VPS13B: variants seen among roughly 807,000 people sequenced by gnomAD.
VPS13B encodes intermembrane lipid transfer protein VPS13B.
VPS13B carries 285 observed loss-of-function variants against 426.4 expected under a neutral mutation model. The ratio of observed to expected loss-of-function variants is 0.67; its 90% CI spans 0.61 to 0.74. The LOEUF is 0.74. Ranked by LOEUF, VPS13B falls within the 30% of genes least tolerant of loss-of-function variation. VPS13B has a pLI of 0.00. For missense variants in VPS13B, 4,537 were observed against 4,782.6 expected, an observed-to-expected ratio of 0.95 and a Z score of 1.51; for synonymous variants, 1,676 against 1,676.4, an observed-to-expected ratio of 1.00 and a Z score of 0.01.
chr8:99,181,710 G>A (rs1046984709), intron 16 of VPS13B, among the ~76,000 whole-genome samples: 1 of 151,914 alleles, frequency 6.6e-6, no homozygotes, highest in Non-Finnish European at 1.5e-5. Context: ...TAAAATTGAT[G>A]GGTCACCTTT....
chr8:99,684,792 T>G (rs1470259458), intron 35 of VPS13B, among the ~76,000 whole-genome samples: 1 of 152,160 alleles, frequency 6.6e-6, no homozygotes, highest in African/African-American at 2.4e-5. Context: ...ATTTGGTTTT[T>G]GGGTTTTTTG....
chr8:99,295,196 A>T (rs1819961681), intron 19 of VPS13B, among the ~76,000 whole-genome samples: 1 of 152,220 alleles, frequency 6.6e-6, no homozygotes, highest in Non-Finnish European at 1.5e-5. Flanking sequence ...AAATTTCAAA[A>T]TAAAAAAGAA....
chr8:99,328,861 G>A (rs149758099), intron 19 of VPS13B, among the ~76,000 whole-genome samples: 4 of 152,146 alleles, frequency 2.6e-5, no homozygotes, highest in Admixed American at 1.3e-4. Flanking sequence ...CCAGCCCAAA[G>A]CAAGCAGCTA....
chr8:99,561,706 A>G (rs1824930970), intron 31 of VPS13B, among the ~76,000 whole-genome samples: 1 of 152,210 alleles, frequency 6.6e-6, no homozygotes, highest in Non-Finnish European at 1.5e-5. Flanking sequence ...TGATTGGTTA[A>G]GTGTATTAAA....
intron 33 of VPS13B, among the ~76,000 whole-genome samples, chr8:99,616,326 C>A (rs1232177100): frequency 6.6e-6 from 1 of 151,928 alleles, no homozygotes; most frequent in Non-Finnish European, 1.5e-5. Flanking sequence ...TAAAAAAAAT[C>A]TCACGAGATA....
In VPS13B at chr8:99,876,715, A is replaced by C. The variant is rs1472115625; in HGVS notation, c.*1049A>C. ...AGATCTTGGGTTACCAAGATGTCTT[A>C]AATGTTCAGTAAATATCTTTCTTAC... On this transcript the variant is annotated 3_prime_UTR_variant, in exon 62 of 62. Coordinates refer to ENST00000357162, the MANE Select transcript of VPS13B (RefSeq NM_152564.5). The C allele has an allele frequency of 6.6e-6, 1 of 152,222 alleles. No homozygotes were observed. Among genetic ancestry groups the C allele is most frequent in the Admixed American group, 6.5e-5 (1 of 15,284 alleles). 9.4% of individuals were successfully genotyped at this position (152,222 alleles called of 1,614,324 possible).
intron 23 of VPS13B, among the ~76,000 whole-genome samples, chr8:99,457,929 T>A (rs1818576745): frequency 6.6e-6 from 1 of 152,042 alleles, no homozygotes; most frequent in Non-Finnish European, 1.5e-5. Context: ...TTTTTTTATA[T>A]ATATACTTTA....
At chr8:99,251,399 T>G (rs1817502085) in intron 17 of VPS13B, among the ~76,000 whole-genome samples, 1 of 152,204 alleles carries the variant, frequency 6.6e-6, no homozygotes, top group Non-Finnish European at 1.5e-5. Context: ...TCAAATGCTT[T>G]TTTTGCATCA....
chr8:99,064,674 AAAACACTATGCAGGTTATTATACAAG>A (rs1275484895), intron 3 of VPS13B, among the ~76,000 whole-genome samples: 2 of 152,208 alleles, frequency 1.3e-5, no homozygotes, highest in Non-Finnish European at 1.5e-5. Flanking sequence ...ACCAAGTTGG[AAAACACTATGCAGGTTATTATACAAG>A]AGAACTTCCC....
intron 39 of VPS13B, among the ~76,000 whole-genome samples, chr8:99,759,681 T>A (rs1810825244): frequency 6.6e-6 from 1 of 152,136 alleles, no homozygotes; most frequent in African/African-American, 2.4e-5. Context: ...TGATCTCTCC[T>A]CCTCTACCCA....
chr8:99,274,985 A>G, intron 18 of VPS13B, 96 bp from the exon 19 acceptor site: 2 of 1,068,444 alleles, frequency 1.9e-6, no homozygotes, highest in Non-Finnish European at 2.6e-6. Flanking sequence ...ATAAAGTTGA[A>G]ATGTTATATT....
intron 39 of VPS13B, among the ~76,000 whole-genome samples, chr8:99,733,161 A>G (rs1012290961): frequency 5.3e-5 from 8 of 152,224 alleles, no homozygotes; most frequent in African/African-American, 1.4e-4. Flanking sequence ...GTCTCTGTCA[A>G]ATAGAAGTAT....
chr8:99,207,539 A>G (rs573097743), intron 17 of VPS13B, among the ~76,000 whole-genome samples: 2 of 152,202 alleles, frequency 1.3e-5, no homozygotes, highest in Non-Finnish European at 2.9e-5. Context: ...GAAAAATGCA[A>G]TTCTTTGAAT....
chr8:99,488,095 G>A (rs962460391), intron 25 of VPS13B, among the ~76,000 whole-genome samples: 12 of 152,044 alleles, frequency 7.9e-5, no homozygotes, highest in African/African-American at 2.9e-4. Flanking sequence ...CAGAGGGAGG[G>A]GAAAGAAAGT....
intron 23 of VPS13B, among the ~76,000 whole-genome samples, chr8:99,455,978 G>A (rs1818435481): frequency 6.6e-6 from 1 of 152,190 alleles, no homozygotes; most frequent in African/African-American, 2.4e-5. Context: ...AGTCTTTAGA[G>A]TGGAATTTTT....
chr8:99,233,233 G>T, intron 17 of VPS13B: 1 of 1,235,860 alleles, frequency 8.1e-7, no homozygotes, highest in Non-Finnish European at 1.2e-6. Flanking sequence ...TTCTGCACTA[G>T]TTAAGTTATG....
intron 2 of VPS13B, among the ~76,000 whole-genome samples, chr8:99,031,670 A>G (rs4132545): frequency 0.72 from 108,911 of 152,108 alleles, 40,028 homozygotes; most frequent in South Asian, 0.87. Flanking sequence ...CATCAATATC[A>G]GCATTTTCTG....
At chr8:99,577,749 T>C in intron 33 of VPS13B, 116 bp downstream of exon 33, 1 of 1,318,340 alleles carries the variant, frequency 7.6e-7, no homozygotes, top group Middle Eastern at 1.8e-4. Context: ...TGTTTAACTT[T>C]ATTCAAAATA....
chr8:99,644,738 A>T (rs1396132667), intron 34 of VPS13B, among the ~76,000 whole-genome samples: 2 of 152,224 alleles, frequency 1.3e-5, no homozygotes, highest in African/African-American at 4.8e-5. Flanking sequence ...ATCAATATGC[A>T]TGATAATATT....
Sources: allele counts gnomAD v4.1 joint callset (sites outside exome capture counted in the v4.1 genomes callset), GRCh38; gene constraint gnomAD v4.1.1; transcripts MANE v1.5; gene names NCBI Gene and HGNC (gene_info 2026-07-23, HGNC 2026-07-21).